Variants in KY observed in about 807,000 individuals in gnomAD.
The protein encoded by KY is kyphoscoliosis peptidase.
A neutral mutation model predicts 76.1 loss-of-function variants in KY; 43 were observed. That is an observed-to-expected ratio of 0.57 (90% CI 0.44 to 0.73). The LOEUF (loss-of-function observed/expected upper bound fraction) is 0.73, where lower values mean the gene tolerates loss of function less well. KY is among the 30% of genes least tolerant of loss of function. The pLI is 0.00. For missense variants in KY, 722 were observed against 828.9 expected (o/e 0.87, Z 1.58); for synonymous variants, 277 against 326.2 (o/e 0.85, Z 1.63).
chr3:134,632,444 A>T (rs968621016), intron 3 of KY, among the ~76,000 whole-genome samples: 10 of 152,064 alleles, frequency 6.6e-5, no homozygotes, highest in Admixed American at 6.5e-4. Context: ...AACTAGAAGT[A>T]AAAAACAGAA....
intron 5 of KY, among the ~76,000 whole-genome samples, chr3:134,625,868 C>G (rs1402383235): frequency 6.6e-6 from 1 of 152,256 alleles, no homozygotes; most frequent in East Asian, 1.9e-4. Flanking sequence ...AGTCAGGTCT[C>G]TGAGACAGAG....
chr3:134,610,332 G>C lies in KY; in HGVS notation c.762C>G (p.Gly254=). Reference sequence around the variant, plus strand: ...CCGAGAAGCTCTGCCCTGTCTGGTAGCCGAAACCCTTGGAGTAGCCAGGCA... The same window carrying C: ...CCGAGAAGCTCTGCCCTGTCTGGTACCCGAAACCCTTGGAGTAGCCAGGCA... ...MTVPGYSKGF[G]YQTGQSFSGE... Residue 254 remains glycine (G), a synonymous_variant, in exon 9 of 11, where the codon GGC becomes GGG. Transcript: ENST00000423778. 1 of 1,613,722 alleles carries C rather than the reference G, an allele frequency of 6.2e-7. No individual in the cohort carries two copies. Among genetic ancestry groups the C allele is most frequent in the Non-Finnish European group, 8.5e-7 (1 of 1,179,840 alleles).
At chr3:134,610,540 G>T in intron 8 of KY, 157 bp from the exon 9 acceptor site, 2 of 645,266 alleles carry the variant, frequency 3.1e-6, no homozygotes, top group Non-Finnish European at 5.3e-6. Flanking sequence ...AGCCTTGATG[G>T]CTTTTATCTC....
At chr3:134,639,972 A>G in intron 3 of KY, 1 of 175,224 alleles carries the variant, frequency 5.7e-6, no homozygotes, top group Non-Finnish European at 1.2e-5. Context: ...AAAAAAAAAA[A>G]AAAAAAGAAA....
intron 2 of KY, among the ~76,000 whole-genome samples, chr3:134,646,612 G>T (rs1008872193): frequency 2.6e-5 from 4 of 152,130 alleles, no homozygotes; most frequent in African/African-American, 9.7e-5. Context: ...ATTGTCAGAA[G>T]GATGGTAGAA....
At chr3:134,624,639 C>T (rs978567211) in intron 6 of KY, among the ~76,000 whole-genome samples, 1 of 152,230 alleles carries the variant, frequency 6.6e-6, no homozygotes, top group African/African-American at 2.4e-5. Flanking sequence ...GTGAGCACAG[C>T]TGTGATTATA....
Position 134,608,657 on chromosome 3 carries a change from A to G in KY, c.1082T>C (p.Ile361Thr), listed in dbSNP as rs1015876020. The G allele has an allele frequency of 1.2e-6, 2 of 1,613,976 alleles. No homozygotes were observed. The highest frequency in any genetic ancestry group is 1.3e-5 in the African/African-American group (1 of 75,040). ...MLSAHPETSM[I>T]RTVNGKATVT... ...ACCTGCTCCGGGCTCACCTGTTCTGATCATGGAAGTCTCTGGGTGGGCACT... is the reference window on the plus strand; with the variant it reads ...ACCTGCTCCGGGCTCACCTGTTCTGGTCATGGAAGTCTCTGGGTGGGCACT... Residue 361 changes from isoleucine (I) to threonine (T), a missense_variant, in exon 10 of 11, where the codon ATC (isoleucine) becomes ACC (threonine). By Grantham distance (89) the Ile-to-Thr change is moderately conservative. Transcript: ENST00000423778.
At chr3:134,622,597 G>A (rs1228247644) in intron 6 of KY, among the ~76,000 whole-genome samples, 1 of 152,196 alleles carries the variant, frequency 6.6e-6, no homozygotes, top group Non-Finnish European at 1.5e-5. Context: ...TAGAGTTTCT[G>A]TTTTGGGTGA....
chr3:134,619,025 G>T, intron 8 of KY, 123 bp downstream of exon 8: 1 of 754,960 alleles, frequency 1.3e-6, no homozygotes, highest in Non-Finnish European at 2.3e-6. Flanking sequence ...ACTCACTTGG[G>T]TTCCAGAGCA....
intron 4 of KY, 148 bp from the exon 5 acceptor site, chr3:134,627,966 C>G: frequency 1.6e-6 from 1 of 643,044 alleles, no homozygotes; most frequent in East Asian, 2.7e-5. Context: ...CCACTGACCA[C>G]TGAATTGCTG....
intron 4 of KY, among the ~76,000 whole-genome samples, chr3:134,628,468 G>A (rs780481396): frequency 1.3e-5 from 2 of 152,304 alleles, no homozygotes; most frequent in Middle Eastern, 3.4e-3. Context: ...GGATGCCAAG[G>A]CAGGTAGTTT....
chr3:134,635,251 C>T (rs531573831), intron 3 of KY, among the ~76,000 whole-genome samples: 1 of 152,222 alleles, frequency 6.6e-6, no homozygotes, highest in African/African-American at 2.4e-5. Context: ...AATCCCAGCA[C>T]TTTGGGAGGC....
intron 8 of KY, among the ~76,000 whole-genome samples, chr3:134,617,143 G>T (rs755151281): frequency 6.6e-6 from 1 of 152,134 alleles, no homozygotes; most frequent in South Asian, 2.1e-4. Context: ...TTCAAATCTG[G>T]CATTCCTTCT....
rs1471897203 is a variant in KY at position 134,647,444 on chromosome 3, CA to C, written c.189del (p.Asn63LysfsTer29). On this transcript the variant is annotated frameshift_variant, in exon 2 of 11. Transcript: ENST00000423778. LOFTEE classifies it high-confidence loss of function. ...GAAAAAGAGAATTTACCGTGAAAGT[CA>C]TTTCCTTCTAATTTCTGCCATCTTC... ...GVRRWQKLEG[N>X]DFHENLVEKQ... 1 of 1,609,456 alleles carries C rather than the reference CA, an allele frequency of 6.2e-7. No individual in the cohort carries two copies. Among genetic ancestry groups the C allele is most frequent in the African/African-American group, 1.3e-5 (1 of 74,852 alleles).
chr3:134,635,749 T>C (rs1197363549), intron 3 of KY, among the ~76,000 whole-genome samples: 2 of 151,778 alleles, frequency 1.3e-5, no homozygotes, highest in African/African-American at 4.8e-5. Context: ...AAAATAAAAA[T>C]AAAAGCAAAA....
chr3:134,647,506 T>C lies in KY; in HGVS notation c.137-9A>G. ...TCCAACACCTTGGAATCCTGCAAAATAACAAGCTTCTCTGAGGTGGGAGAC... is the reference window on the plus strand; with the variant it reads ...TCCAACACCTTGGAATCCTGCAAAACAACAAGCTTCTCTGAGGTGGGAGAC... On this transcript the variant is annotated splice_polypyrimidine_tract_variant and intron_variant, in intron 1 of 10. Transcript: ENST00000423778. The C allele has an allele frequency of 1.3e-6, 2 of 1,595,716 alleles. No individual in the cohort carries two copies. Among genetic ancestry groups the C allele is most frequent in the Non-Finnish European group, 1.7e-6 (2 of 1,164,454 alleles).
intron 9 of KY, among the ~76,000 whole-genome samples, chr3:134,609,611 G>C (rs1959961681): frequency 6.6e-6 from 1 of 152,132 alleles, no homozygotes; most frequent in Non-Finnish European, 1.5e-5. Flanking sequence ...TTAAGGCCAG[G>C]ATTGGCCAGA....
chr3:134,647,603 C>T, intron 1 of KY, 106 bp from the exon 2 acceptor site: 1 of 650,116 alleles, frequency 1.5e-6, no homozygotes, highest in Non-Finnish European at 2.7e-6. Flanking sequence ...TCTTGGCTCT[C>T]TTGGAATCTG....
Position 134,643,376 on chromosome 3 carries a change from TTTCTA to T in KY, c.200-3_201del, listed in dbSNP as rs1966007015. The T allele has an allele frequency of 6.2e-7, 1 of 1,613,666 alleles. No individual in the cohort carries two copies. Among genetic ancestry groups the T allele is most frequent in the Non-Finnish European group, 8.5e-7 (1 of 1,179,822 alleles). Reference sequence around the variant, plus strand: ...TGAGGGTGCTGCTTCTCCACCAAGTTTTCTATTTAAGGAAGACAGAGAGGCCTGCA... The same window carrying T: ...TGAGGGTGCTGCTTCTCCACCAAGTTTTTAAGGAAGACAGAGAGGCCTGCA... On this transcript the variant is annotated splice_acceptor_variant and splice_polypyrimidine_tract_variant and coding_sequence_variant and intron_variant, in exon 3 of 11. Coordinates refer to ENST00000423778, the MANE Select transcript of KY (RefSeq NM_178554.6). LOFTEE classifies it high-confidence loss of function.
Sources: gnomAD v4.1 joint callset for allele counts (sites outside exome capture counted in the v4.1 genomes callset) on GRCh38, gnomAD v4.1.1 for gene constraint, MANE v1.5 for transcripts, NCBI Gene and HGNC (gene_info 2026-07-23, HGNC 2026-07-21) for gene names.